NFE2L1: variants seen among roughly 807,000 people sequenced by gnomAD.
NFE2L1 encodes NFE2 like bZIP transcription factor 1.
A neutral mutation model predicts 61.6 loss-of-function variants in NFE2L1; 18 were observed. That is an observed-to-expected ratio of 0.29 (90% CI 0.20 to 0.43). The LOEUF (loss-of-function observed/expected upper bound fraction) is 0.43, where lower values mean the gene tolerates loss of function less well. Among genes scored for constraint, NFE2L1 ranks in the 20% least tolerant of loss-of-function variants. The pLI, the probability that NFE2L1 is intolerant of heterozygous loss-of-function variation, is 1.00. For synonymous variants in NFE2L1, 419 were observed against 402.7 expected (o/e 1.04, Z -0.48); for missense variants, 827 against 973.5 (o/e 0.85, Z 2.00).
Position 48,058,507 on chromosome 17 carries a change from G to A in NFE2L1, c.1185G>A (p.Pro395=), listed in dbSNP as rs1193683855. Residue 395 remains proline, a synonymous_variant, in exon 6 of 6, where the codon CCG becomes CCA. Transcript: ENST00000362042. ...TGGCCAGTAGCTCCACGCTGCTCCC[G>A]TTGGCCCCCAGCAATTCTACCAGCC... is the stretch of plus-strand genomic sequence containing the variant. ...LPVASSSTLL[P]LAPSNSTSLN... 7.4e-6 allele frequency: 12 copies of A among 1,613,010 alleles called. No individual in the cohort carries two copies. Among genetic ancestry groups the A allele is most frequent in the Admixed American group, 1.7e-5 (1 of 59,932 alleles).
At position 48,058,428 on chromosome 17, in the gene NFE2L1, G is replaced by T; in HGVS notation, c.1106G>T (p.Gly369Val). 1 of 1,614,208 alleles carries T rather than the reference G, an allele frequency of 6.2e-7. No homozygotes were observed. The highest frequency in any genetic ancestry group is 8.5e-7 in the Non-Finnish European group (1 of 1,180,038). ...QNVSLHQASL[G>V]GCSQDFLLFS... Reference sequence around the variant, plus strand: ...GTCAGCCTGCATCAGGCGTCCCTGGGGGGCTGCAGCCAGGACTTCTTACTC... The same window carrying T: ...GTCAGCCTGCATCAGGCGTCCCTGGTGGGCTGCAGCCAGGACTTCTTACTC... Residue 369 changes from glycine to valine, a missense_variant, in exon 6 of 6, where the codon GGG (glycine) becomes GTG (valine). Coordinates refer to ENST00000362042, the MANE Select transcript of NFE2L1 (RefSeq NM_003204.3).
rs757419032 is a variant in NFE2L1 at position 48,051,623 on chromosome 17, A to G, written c.505A>G (p.Lys169Glu). 6.2e-7 allele frequency: 1 copy of G among 1,611,154 alleles called. No homozygotes were observed. Among genetic ancestry groups the G allele is most frequent in the Admixed American group, 1.7e-5 (1 of 59,720 alleles). Reference protein sequence around the residue: ...VAPPVSGDLTKEDIDLIDILW... With the variant: ...VAPPVSGDLTEEDIDLIDILW... ...CCCCCCAGTCAGTGGAGACTTAACC[A>G]AAGAGGTTAGTGGACCTGTGGTGGG... The change falls in exon 2 of 6, where the codon AAA becomes GAA. Residue 169 changes from lysine (K) to glutamate (E), a missense_variant. This residue lies in a region of NFE2L1 where 667 missense variants were observed against 748.4 expected (regional missense o/e 0.89). Transcript: ENST00000362042.
At position 48,051,535 on chromosome 17, in the gene NFE2L1, G is replaced by A. The variant is rs758660562; in HGVS notation, c.417G>A (p.Gly139=). The change falls in exon 2 of 6, where the codon GGG becomes GGA. Residue 139 remains glycine, a synonymous_variant. Transcript: ENST00000362042. ...AAGATGTGACAGGCCCAGACAACGG[G>A]GTGCGAGAAAGCGAAACGGAGCAGG... ...GLQDVTGPDN[G]VRESETEQGF... 8.1e-6 allele frequency: 13 copies of A among 1,614,104 alleles called. No homozygotes were observed. The highest frequency in any genetic ancestry group is 6.7e-5 in the African/African-American group (5 of 74,934).
At chr17:48,056,195 G>T (rs2037396407) in intron 2 of NFE2L1, among the ~76,000 whole-genome samples, 191 bp from the exon 3 acceptor site, 2 of 152,002 alleles carry the variant, frequency 1.3e-5, no homozygotes, top group South Asian at 2.1e-4. Flanking sequence ...TGTGGGAAGG[G>T]GATAGTGTCT....
chr17:48,051,737 C>A, intron 2 of NFE2L1, 109 bp downstream of exon 2: 1 of 1,345,650 alleles, frequency 7.4e-7, no homozygotes, highest in Non-Finnish European at 1.0e-6. Flanking sequence ...CAGGTTTCAG[C>A]AGGGCCTCAG....
rs748549271 is a variant in NFE2L1 at position 48,058,887 on chromosome 17, G to A, written c.1565G>A (p.Gly522Asp). The A allele has an allele frequency of 5.6e-6, 9 of 1,613,590 alleles. No individual in the cohort carries two copies. The highest frequency in any genetic ancestry group is 1.7e-5 in the Admixed American group (1 of 59,992). Residue 522 changes from glycine (G) to aspartate (D), a missense_variant, in exon 6 of 6, where the codon GGT becomes GAT. By Grantham distance (94) the Gly-to-Asp change is moderately conservative. This residue lies in a region of NFE2L1 where 667 missense variants were observed against 748.4 expected (regional missense o/e 0.89). Transcript: ENST00000362042. ...GCCTCTTCCTCCTTTTCTGAGGAAG[G>A]TGCGGTTGGCTACAGCTCTGACTCT... ...SSASSSFSEE[G>D]AVGYSSDSET...
intron 5 of NFE2L1, 100 bp downstream of exon 5, chr17:48,057,602 T>C (rs2037436293): frequency 7.0e-7 from 1 of 1,429,294 alleles, no homozygotes; most frequent in African/African-American, 1.4e-5. Flanking sequence ...GTGTAATACT[T>C]TCCCTGAATC....
At chr17:48,048,488 C>T (rs1447688069) in intron 1 of NFE2L1, 26 bp downstream of exon 1, 1 of 152,982 alleles carries the variant, frequency 6.5e-6, no homozygotes, top group Non-Finnish European at 1.5e-5. Flanking sequence ...ATTCCTTTCC[C>T]AGAAGGGAGG....
At chr17:48,049,054 G>A (rs1412389340) in intron 1 of NFE2L1, 1 of 152,246 alleles carries the variant, frequency 6.6e-6, no homozygotes, top group African/African-American at 2.4e-5. Flanking sequence ...CAGAGAGAGG[G>A]AGTGTGAGTG....
intron 2 of NFE2L1, among the ~76,000 whole-genome samples, chr17:48,053,832 C>T (rs2037318335): frequency 6.6e-6 from 1 of 151,926 alleles, no homozygotes; most frequent in Admixed American, 6.6e-5. Context: ...TTGAATAAAG[C>T]CGGGGTGAAA....
chr17:48,050,214 C>A (rs1234209100), intron 1 of NFE2L1, among the ~76,000 whole-genome samples: 3 of 152,148 alleles, frequency 2.0e-5, no homozygotes, highest in Non-Finnish European at 4.4e-5. Flanking sequence ...CACAGTGGCT[C>A]ACGCCTGTGA....
Position 48,050,782 on chromosome 17 carries a change from G to A in NFE2L1, c.-337G>A. 1.8e-6 allele frequency: 1 copy of A among 548,216 alleles called. No individual in the cohort carries two copies. The highest frequency in any genetic ancestry group is 3.2e-6 in the Non-Finnish European group (1 of 309,380). The allele number at this position is 548,216 out of a possible 1,614,324, so 34.0% of individuals were successfully genotyped here. A position where few individuals can be genotyped will look rare whatever the true frequency, so the allele number is the denominator to read the frequency against. On this transcript the variant is annotated 5_prime_UTR_variant, in exon 2 of 6. It adds an upstream start codon to the 5' untranslated region. Coordinates refer to ENST00000362042, the MANE Select transcript of NFE2L1 (RefSeq NM_003204.3). ...GGAATCTACAGAGAGGACAACTAAT[G>A]TGAGTGAGGAAGTGACTGTATGTGG...
intron 2 of NFE2L1, chr17:48,054,834 G>A (rs1329998738): frequency 1.6e-6 from 2 of 1,237,456 alleles, no homozygotes; most frequent in African/African-American, 5.6e-5. Flanking sequence ...GCTGCTCAAG[G>A]ATGGAGGAAG....
chr17:48,055,207 G>T, intron 2 of NFE2L1: 1 of 1,286,684 alleles, frequency 7.8e-7, no homozygotes, highest in East Asian at 3.1e-5. Flanking sequence ...GGGTCAGGGG[G>T]GGTTAATGGG....
At position 48,057,109 on chromosome 17, in the gene NFE2L1, G is replaced by A. The variant is rs145021366; in HGVS notation, c.801G>A (p.Gly267=). Reference sequence around the variant, plus strand: ...TGCTGGAAGCCACCTGCCCCTTTGGGGAGAATGCTGAGGTGAGCAGGACTC... The same window carrying A: ...TGCTGGAAGCCACCTGCCCCTTTGGAGAGAATGCTGAGGTGAGCAGGACTC... ...LRLLEATCPF[G]ENAEFPADIS... is the part of the protein sequence containing the mutation. Residue 267 remains glycine, a synonymous_variant, in exon 4 of 6, where the codon GGG becomes GGA. Coordinates refer to ENST00000362042, the MANE Select transcript of NFE2L1 (RefSeq NM_003204.3). 3.1e-6 allele frequency: 5 copies of A among 1,613,326 alleles called. No individual in the cohort carries two copies. The African/African-American group carries it at 6.7e-5, about 22-fold the overall frequency.
chr17:48,050,134 T>C (rs1410012356), intron 1 of NFE2L1, among the ~76,000 whole-genome samples: 3 of 152,236 alleles, frequency 2.0e-5, no homozygotes, highest in Non-Finnish European at 4.4e-5. Flanking sequence ...GATCGGTTGC[T>C]ATATTTTGGG....
intron 5 of NFE2L1, among the ~76,000 whole-genome samples, 155 bp from the exon 6 acceptor site, chr17:48,058,140 C>T (rs1026296296): frequency 2.6e-5 from 4 of 152,172 alleles, no homozygotes; most frequent in Admixed American, 6.5e-5. Context: ...GCCTGGTGGA[C>T]GAAGCTGGGT....
chr17:48,050,501 T>C, intron 1 of NFE2L1, 106 bp from the exon 2 acceptor site: 1 of 395,574 alleles, frequency 2.5e-6, no homozygotes, highest in Admixed American at 4.4e-5. Context: ...AGTGAAAGTG[T>C]CCTTTGAATG....
In NFE2L1 at chr17:48,051,085, A is replaced by T; in HGVS notation, c.-34A>T. On this transcript the variant is annotated 5_prime_UTR_variant, in exon 2 of 6. Coordinates refer to ENST00000362042, the MANE Select transcript of NFE2L1 (RefSeq NM_003204.3). ...GATTTGTCTTTTGGAAGATTTTAAAAACCAAAAAGCATAAACATTCTGGTC... is the reference window on the plus strand; with the variant it reads ...GATTTGTCTTTTGGAAGATTTTAAATACCAAAAAGCATAAACATTCTGGTC... The T allele has an allele frequency of 6.2e-7, 1 of 1,613,796 alleles. No homozygotes were observed. Among genetic ancestry groups the T allele is most frequent in the Non-Finnish European group, 8.5e-7 (1 of 1,179,840 alleles).
Sources: gnomAD v4.1 joint callset for allele counts (sites outside exome capture counted in the v4.1 genomes callset) on GRCh38, gnomAD v4.1.1 for gene constraint, gnomAD v4.1.1 regional missense constraint, MANE v1.5 for transcripts, NCBI Gene and HGNC (gene_info 2026-07-23, HGNC 2026-07-21) for gene names.